The following LRRFIP1 variants were observed in gnomAD, a reference collection of about 807,000 sequenced individuals.
LRRFIP1 encodes the protein leucine-rich repeat flightless-interacting protein 1.
A neutral mutation model predicts 104.4 loss-of-function variants in LRRFIP1; 62 were observed. The ratio of observed to expected loss-of-function variants is 0.59; its 90% CI spans 0.48 to 0.73. The LOEUF is 0.73. Ranked by LOEUF, LRRFIP1 falls within the 30% of genes least tolerant of loss-of-function variation. The pLI, the probability that LRRFIP1 is intolerant of heterozygous loss-of-function variation, is 0.00. For synonymous variants in LRRFIP1, 300 were observed against 299.0 expected, an observed-to-expected ratio of 1.00 and a Z score of -0.03; for missense variants, 796 against 824.5, an observed-to-expected ratio of 0.97 and a Z score of 0.42.
chr2:237,692,558 C>G, intron 1 of LRRFIP1: 1 of 1,485,248 alleles, frequency 6.7e-7, no homozygotes, highest in African/African-American at 1.4e-5. Flanking sequence ...TCTTTCGTGA[C>G]TGCGGCGGGG....
chr2:237,700,971 A>G (rs545420793), intron 1 of LRRFIP1, among the ~76,000 whole-genome samples: 1 of 152,252 alleles, frequency 6.6e-6, no homozygotes, highest in Non-Finnish European at 1.5e-5. Flanking sequence ...CTGGACCCCT[A>G]GGGTATCACC....
intron 19 of LRRFIP1, chr2:237,764,100 A>G: frequency 6.2e-7 from 1 of 1,614,194 alleles, no homozygotes; most frequent in Non-Finnish European, 8.5e-7. Flanking sequence ...AGAGGAGGGA[A>G]TGAGAAGGGC....
chr2:237,701,724 G>A (rs1290750412), intron 1 of LRRFIP1, among the ~76,000 whole-genome samples: 4 of 152,332 alleles, frequency 2.6e-5, no homozygotes, highest in African/African-American at 4.8e-5. Flanking sequence ...GCCCTGCCCC[G>A]GTAGAAGCCG....
At position 237,735,661 on chromosome 2, in the gene LRRFIP1, C is replaced by G. The variant is rs1456717664; in HGVS notation, c.555+328C>G. ...AACGGGAAAAGGACAACTTGACAGACCACACATCATTCTCGTCCCTGGATA... is the reference window on the plus strand; with the variant it reads ...AACGGGAAAAGGACAACTTGACAGAGCACACATCATTCTCGTCCCTGGATA... On this transcript the variant is annotated intron_variant, in intron 10 of 23. Coordinates refer to ENST00000308482, the MANE Select transcript of LRRFIP1 (RefSeq NM_001137550.2). This position sits in a 1 kb window ranked among gnomAD's most constrained non-coding sequence, Gnocchi z 4.6. The G allele has an allele frequency of 1.1e-5, 3 of 274,630 alleles. No individual in the cohort carries two copies. Among genetic ancestry groups the G allele is most frequent in the Non-Finnish European group, 2.1e-5 (3 of 144,844 alleles). The allele number at this position is 274,630 out of a possible 1,614,324, so 17.0% of individuals were successfully genotyped here.
intron 23 of LRRFIP1, among the ~76,000 whole-genome samples, chr2:237,775,695 G>A (rs1028036597): frequency 1.1e-4 from 17 of 152,092 alleles, no homozygotes; most frequent in African/African-American, 3.4e-4. Flanking sequence ...CTAATTAGCC[G>A]GGTGCGGTGG....
At chr2:237,743,487 A>G (rs55912241) in intron 11 of LRRFIP1, among the ~76,000 whole-genome samples, 2,288 of 152,300 alleles carry the variant, frequency 0.015, 24 homozygotes, top group Non-Finnish European at 0.025. Flanking sequence ...GCCCCATCTC[A>G]AGACAGGCAT....
At chr2:237,746,316 C>T (rs1423081329) in intron 11 of LRRFIP1, among the ~76,000 whole-genome samples, 1 of 152,258 alleles carries the variant, frequency 6.6e-6, no homozygotes, top group East Asian at 1.9e-4. Context: ...ACCTCGGCCT[C>T]CCAAAGTACT....
chr2:237,629,232 C>G (rs2082000505), intron 1 of LRRFIP1, among the ~76,000 whole-genome samples: 1 of 152,200 alleles, frequency 6.6e-6, no homozygotes, highest in Admixed American at 6.5e-5. Flanking sequence ...ATTTAAAGGA[C>G]CTTTGGCTAA....
intron 1 of LRRFIP1, among the ~76,000 whole-genome samples, chr2:237,677,015 C>T (rs757404548): frequency 3.9e-5 from 6 of 152,192 alleles, no homozygotes; most frequent in African/African-American, 7.2e-5. Flanking sequence ...TTTTCTTAAA[C>T]GTTAGTTTTA....
At chr2:237,695,982 C>CACACACACACAT (rs56009658) in intron 1 of LRRFIP1, among the ~76,000 whole-genome samples, 32,970 of 151,960 alleles carry the variant, frequency 0.22, 3,731 homozygotes, top group East Asian at 0.31. Flanking sequence ...TAAACCAAAA[C>CACACACACACAT]ACACACACAC....
At chr2:237,659,108 T>G (rs78680229) in intron 1 of LRRFIP1, among the ~76,000 whole-genome samples, 2 of 152,040 alleles carry the variant, frequency 1.3e-5, no homozygotes, top group Non-Finnish European at 2.9e-5. Context: ...TATCTTTTTT[T>G]AATGAGACAG....
intron 1 of LRRFIP1, among the ~76,000 whole-genome samples, chr2:237,629,332 C>T (rs10176472): frequency 0.025 from 3,830 of 152,328 alleles, 180 homozygotes; most frequent in African/African-American, 0.087. Flanking sequence ...CAGTGCCTTA[C>T]AAGTGTTCCC....
At chr2:237,720,313 T>C (rs2094494601) in intron 5 of LRRFIP1, among the ~76,000 whole-genome samples, 2 of 151,694 alleles carry the variant, frequency 1.3e-5, no homozygotes, top group South Asian at 4.2e-4. Context: ...AGTGGTGCAG[T>C]CTTGGCTCAC....
At chr2:237,729,598 G>A (rs2094913873) in intron 8 of LRRFIP1, among the ~76,000 whole-genome samples, 1 of 152,086 alleles carries the variant, frequency 6.6e-6, no homozygotes, top group Admixed American at 6.5e-5. Flanking sequence ...AGAATCTCCA[G>A]TTGTTAAGAA....
intron 19 of LRRFIP1, chr2:237,763,465 C>A (rs537156338): frequency 6.2e-7 from 1 of 1,612,976 alleles, no homozygotes; most frequent in Admixed American, 1.7e-5. Context: ...CCCCAGTACC[C>A]GTAGAAACCC....
At chr2:237,744,831 G>A (rs1046803263) in intron 11 of LRRFIP1, among the ~76,000 whole-genome samples, 1 of 152,242 alleles carries the variant, frequency 6.6e-6, no homozygotes, top group East Asian at 1.9e-4. Flanking sequence ...CGCCCTTCCC[G>A]TGCAGGAGGC....
Position 237,691,910 on chromosome 2 carries a change from G to A in LRRFIP1, c.97-16634G>A, listed in dbSNP as rs1248560260. On this transcript the variant is annotated intron_variant, in intron 1 of 23. Transcript: ENST00000308482. This position sits in a 1 kb window ranked among gnomAD's most constrained non-coding sequence, Gnocchi z 5.4. ...GATCCTTCCGAGACGGAGCGCGGGG[G>A]GCGGGGCGGGGCTCGCGTTAAGGGA... Among the ~76,000 whole-genome samples the A allele has an allele frequency of 6.6e-6, 1 of 151,452 alleles. No homozygotes were observed. The highest frequency in any genetic ancestry group is 1.5e-5 in the Non-Finnish European group (1 of 67,738).
At chr2:237,763,581 A>G in intron 19 of LRRFIP1, 1 of 1,613,260 alleles carries the variant, frequency 6.2e-7, no homozygotes. Flanking sequence ...GTGGAAGCCC[A>G]AAACGAGGTG....
In LRRFIP1 at chr2:237,649,707, A is replaced by G. The variant is rs562794923; in HGVS notation, c.96+21967A>G. Among the ~76,000 whole-genome samples the G allele has an allele frequency of 6.6e-6, 1 of 152,018 alleles. No homozygotes were observed. The highest frequency in any genetic ancestry group is 6.5e-5 in the Admixed American group (1 of 15,292). Reference sequence around the variant, plus strand: ...CATTTCTCACCGGAGTCCTCGTCCCATCGCCTCCTCTCTCCCTGCCGCGGT... The same window carrying G: ...CATTTCTCACCGGAGTCCTCGTCCCGTCGCCTCCTCTCTCCCTGCCGCGGT... On this transcript the variant is annotated intron_variant, in intron 1 of 23. Coordinates refer to ENST00000308482, the MANE Select transcript of LRRFIP1 (RefSeq NM_001137550.2). The surrounding 1 kb of genome is among the most constrained non-coding windows in gnomAD (Gnocchi z 4.1).
Sources: gnomAD v4.1 joint callset for allele counts (sites outside exome capture counted in the v4.1 genomes callset) on GRCh38, gnomAD v4.1.1 for gene constraint, Gnocchi (gnomAD v3.1) non-coding constraint, MANE v1.5 for transcripts, NCBI Gene and HGNC (gene_info 2026-07-23, HGNC 2026-07-21) for gene names.